Variants in CPED1 observed in about 807,000 individuals in gnomAD.
CPED1 encodes cadherin like and PC-esterase domain containing 1.
In CPED1, 114 loss-of-function variants were observed where a neutral mutation model predicts 128.2. The ratio of observed to expected loss-of-function variants is 0.89; its 90% CI spans 0.76 to 1.04. CPED1 has a LOEUF of 1.04. Among genes scored for constraint, CPED1 ranks in the 50% least tolerant of loss-of-function variants. CPED1 has a pLI of 0.00. For synonymous variants in CPED1, 462 were observed against 426.7 expected, an observed-to-expected ratio of 1.08 and a Z score of -1.02; for missense variants, 1,211 against 1,207.1, an observed-to-expected ratio of 1.00 and a Z score of -0.05.
rs190860585 is a variant in CPED1, at chr7:121,231,800, A to G, written c.2056-4914A>G. On this transcript the variant is annotated intron_variant, in intron 16 of 22. Transcript: ENST00000310396. ...AGAAGAGGCAGGAATAAGGTAGAAG[A>G]AAAGTATATTTTATTTTGAGAAAAG... Among the ~76,000 whole-genome samples, 6 of 152,302 alleles carry G rather than the reference A, an allele frequency of 3.9e-5. No homozygotes were observed. In the East Asian group the frequency reaches 1.2e-3, roughly 29 times the overall value.
intron 3 of CPED1, among the ~76,000 whole-genome samples, chr7:121,029,891 G>A (rs1433748999): frequency 3.3e-5 from 5 of 151,978 alleles, no homozygotes; most frequent in Non-Finnish European, 4.4e-5. Flanking sequence ...TTTCATATCT[G>A]TCTAATTTTT....
chr7:121,255,121 GC>G (rs1798773472), intron 18 of CPED1, among the ~76,000 whole-genome samples: 1 of 151,974 alleles, frequency 6.6e-6, no homozygotes, highest in Admixed American at 6.6e-5. Context: ...GAAAACTTCA[GC>G]CCAGTTTGCC....
chr7:121,280,128 AC>A (rs1792428890), intron 22 of CPED1, among the ~76,000 whole-genome samples: 2 of 152,062 alleles, frequency 1.3e-5, no homozygotes, highest in African/African-American at 4.8e-5. Context: ...AGAAACAAAT[AC>A]CTGTGTGTTA....
chr7:121,296,996 CTA>C lies in CPED1; in HGVS notation c.*1346_*1347del, dbSNP rs1359304729. 6.6e-6 allele frequency: 1 copy of C among 151,972 alleles called. No homozygotes were observed. Among genetic ancestry groups the C allele is most frequent in the Non-Finnish European group, 1.5e-5 (1 of 67,900 alleles). The allele number at this position is 151,972 out of a possible 1,614,324, so 9.4% of individuals were successfully genotyped here. ...TGAATATCCACCTCCTTTAAATACT[CTA>C]TTTTTATATATATTTTTATATGAAG... On this transcript the variant is annotated 3_prime_UTR_variant, in exon 23 of 23. Coordinates refer to ENST00000310396, the MANE Select transcript of CPED1 (RefSeq NM_024913.5).
At chr7:121,160,943 G>A (rs1248890343) in intron 16 of CPED1, among the ~76,000 whole-genome samples, 2 of 151,984 alleles carry the variant, frequency 1.3e-5, no homozygotes, top group African/African-American at 4.8e-5. Context: ...GACAATGATC[G>A]AGGTCAACAG....
At chr7:121,169,296 A>C (rs78521632) in intron 16 of CPED1, among the ~76,000 whole-genome samples, 6,038 of 152,282 alleles carry the variant, frequency 0.04, 180 homozygotes, top group Non-Finnish European at 0.061. Flanking sequence ...ACTAAGTTCT[A>C]TAAAGAAGGT....
At chr7:121,181,285 A>G (rs990392720) in intron 16 of CPED1, among the ~76,000 whole-genome samples, 13 of 152,196 alleles carry the variant, frequency 8.5e-5, no homozygotes, top group African/African-American at 2.9e-4. Flanking sequence ...TTCACTCACC[A>G]TCTAAGAATA....
intron 4 of CPED1, chr7:121,050,460 G>GT (rs34017549): frequency 0.059 from 6,377 of 108,446 alleles, 679 homozygotes; most frequent in African/African-American, 0.18. Context: ...GGCAATATAG[G>GT]TTTTTTTTTT....
At chr7:121,041,593 A>T (rs551723546) in intron 3 of CPED1, among the ~76,000 whole-genome samples, 1 of 152,206 alleles carries the variant, frequency 6.6e-6, no homozygotes, top group South Asian at 2.1e-4. Flanking sequence ...GATCTTGCAG[A>T]TGTTATCAGC....
chr7:121,121,084 C>G (rs975702382), intron 7 of CPED1, among the ~76,000 whole-genome samples: 6 of 151,378 alleles, frequency 4.0e-5, no homozygotes, highest in African/African-American at 1.5e-4. Context: ...TCAATTCACT[C>G]AAGCAAGGTC....
chr7:121,266,490 C>T, intron 19 of CPED1, 43 bp downstream of exon 19: 1 of 1,491,072 alleles, frequency 6.7e-7, no homozygotes, highest in Non-Finnish European at 9.4e-7. Flanking sequence ...CCACAAAGTA[C>T]TGATGTTCTG....
chr7:121,050,307 T>G (rs2116914665), intron 4 of CPED1: 1 of 152,958 alleles, frequency 6.5e-6, no homozygotes, highest in East Asian at 1.9e-4. Flanking sequence ...CGCTATATAC[T>G]CATACAAATC....
At chr7:121,285,292 C>T (rs1432641529) in intron 22 of CPED1, among the ~76,000 whole-genome samples, 1 of 152,148 alleles carries the variant, frequency 6.6e-6, no homozygotes, top group Admixed American at 6.5e-5. Context: ...TCATTTTTCC[C>T]TCCTAGTCCT....
intron 16 of CPED1, among the ~76,000 whole-genome samples, chr7:121,233,509 A>G (rs1445185019): frequency 6.6e-6 from 1 of 151,988 alleles, no homozygotes; most frequent in Non-Finnish European, 1.5e-5. Flanking sequence ...TGATGGTACC[A>G]GTGTACTCCA....
chr7:121,211,394 G>T (rs1184233506), intron 16 of CPED1, among the ~76,000 whole-genome samples: 1 of 152,064 alleles, frequency 6.6e-6, no homozygotes, highest in East Asian at 1.9e-4. Flanking sequence ...CGAAGTCAGT[G>T]GAGCCTTAAA....
At chr7:120,990,277 G>A (rs923962543) in intron 2 of CPED1, among the ~76,000 whole-genome samples, 10 of 152,130 alleles carry the variant, frequency 6.6e-5, no homozygotes, top group Non-Finnish European at 1.3e-4. Context: ...TGAGTGCCCA[G>A]ACCATTCCAG....
At chr7:121,290,301 A>G (rs186243749) in intron 22 of CPED1, among the ~76,000 whole-genome samples, 2 of 152,334 alleles carry the variant, frequency 1.3e-5, no homozygotes, top group African/African-American at 2.4e-5. Flanking sequence ...AGAATGATTT[A>G]TAATCTTTGG....
chr7:121,228,786 G>A (rs774965816), intron 16 of CPED1, among the ~76,000 whole-genome samples: 22 of 151,830 alleles, frequency 1.4e-4, no homozygotes. Context: ...GTGGAACATG[G>A]ACCATTACTT....
chr7:121,052,089 A>C (rs901724550), intron 4 of CPED1: 1 of 152,234 alleles, frequency 6.6e-6, no homozygotes, highest in East Asian at 1.9e-4. Flanking sequence ...GTTTCAGACC[A>C]TTACACCAAA....
Sources: gnomAD v4.1 joint callset for allele counts (sites outside exome capture counted in the v4.1 genomes callset) on GRCh38, gnomAD v4.1.1 for gene constraint, MANE v1.5 for transcripts, NCBI Gene and HGNC (gene_info 2026-07-23, HGNC 2026-07-21) for gene names.